XK: variants seen among roughly 807,000 people sequenced by gnomAD.
The protein encoded by XK is X-linked Kx blood group antigen, Kell and VPS13A binding protein.
Under a neutral mutation model 14.0 loss-of-function variants are expected in XK, and 2 were observed. The observed-to-expected ratio is 0.14, with a 90% CI of 0.06 to 0.45. The LOEUF is 0.45. XK is among the 20% of genes least tolerant of loss of function. The pLI is 0.98. For missense variants in XK, 235 were observed against 341.5 expected, an observed-to-expected ratio of 0.69 and a Z score of 2.46; for synonymous variants, 149 against 147.5, an observed-to-expected ratio of 1.01 and a Z score of -0.08.
At chrX:37,707,011 G>GAA (rs782392065) in intron 2 of XK, among the ~76,000 whole-genome samples, 1 of 112,658 alleles carries the variant, frequency 8.9e-6, no homozygotes, top group South Asian at 3.6e-4. Context: ...AGAACAAAAT[G>GAA]AAGTCTCCCA....
At chrX:37,713,207 C>A (rs1556447104) in intron 2 of XK, among the ~76,000 whole-genome samples, 2 of 111,479 alleles carry the variant, frequency 1.8e-5, no homozygotes, top group Non-Finnish European at 3.8e-5. Context: ...TAGGGGCTGG[C>A]AATTTGGTAC....
At chrX:37,702,138 A>G (rs1927429410) in intron 2 of XK, among the ~76,000 whole-genome samples, 1 of 111,776 alleles carries the variant, frequency 8.9e-6, no homozygotes, top group Non-Finnish European at 1.9e-5. Flanking sequence ...GATGAGCTGA[A>G]GGAGACTCCC....
rs139182953 is a variant in XK at position 37,693,306 on chromosome X, A to T, written c.246-980A>T. On this transcript the variant is annotated intron_variant, in intron 1 of 2. Transcript: ENST00000378616. ...AACAAGTTACAAACCTACGGCCATGAATATTTTTCTTACTCCTAGGGAAAA... is the reference window on the plus strand; with the variant it reads ...AACAAGTTACAAACCTACGGCCATGTATATTTTTCTTACTCCTAGGGAAAA... 6.0e-4 allele frequency among the ~76,000 whole-genome samples: 67 copies of T among 111,912 alleles called. 2 individuals are homozygous for T. In the East Asian group the frequency reaches 0.017, roughly 29 times the overall value.
At chrX:37,694,257 A>G in intron 1 of XK, 29 bp from the exon 2 acceptor site, 2 of 1,209,785 alleles carry the variant, frequency 1.7e-6, no homozygotes, top group Non-Finnish European at 2.2e-6. Context: ...TCTGTCTCTA[A>G]TTATTATGAT....
At chrX:37,715,151 TG>T (rs1556447569) in intron 2 of XK, among the ~76,000 whole-genome samples, 1 of 110,318 alleles carries the variant, frequency 9.1e-6, no homozygotes, top group East Asian at 2.8e-4. Flanking sequence ...TGTGTGTGTG[TG>T]TATATATAGT....
intron 2 of XK, among the ~76,000 whole-genome samples, chrX:37,707,009 A>G (rs1927539442): frequency 8.9e-6 from 1 of 112,747 alleles, no homozygotes. Context: ...ACAGAACAAA[A>G]TGAAGTCTCC....
intron 2 of XK, among the ~76,000 whole-genome samples, chrX:37,696,187 A>C (rs2146813473): frequency 8.9e-6 from 1 of 112,423 alleles, no homozygotes; most frequent in East Asian, 2.8e-4. Flanking sequence ...CTGCTCTTTC[A>C]TTTATGTATT....
At chrX:37,712,221 A>G (rs1310876939) in intron 2 of XK, among the ~76,000 whole-genome samples, 5 of 111,829 alleles carry the variant, frequency 4.5e-5, no homozygotes, top group Non-Finnish European at 7.5e-5. Context: ...ATCATCTTCT[A>G]TTTGATCAGG....
intron 2 of XK, among the ~76,000 whole-genome samples, chrX:37,701,875 G>A (rs1208330912): frequency 2.7e-5 from 3 of 111,209 alleles, no homozygotes; most frequent in Admixed American, 1.9e-4. Context: ...AGGAGACAGC[G>A]GAAGAGGGAC....
intron 2 of XK, among the ~76,000 whole-genome samples, chrX:37,702,104 G>C (rs1927428875): frequency 8.9e-6 from 1 of 111,801 alleles, no homozygotes; most frequent in South Asian, 3.7e-4. Flanking sequence ...GCCAGGGGAG[G>C]GGGTGCTGCT....
rs534318896 is a variant in XK at position 37,694,553 on chromosome X, G to A, written c.508+5G>A. The A allele has an allele frequency of 8.4e-7, 1 of 1,187,260 alleles. No homozygotes were observed. Among genetic ancestry groups the A allele is most frequent in the South Asian group, 1.9e-5 (1 of 54,053 alleles). Reference sequence around the variant, plus strand: ...AGGACGTCACTGTTGGAAGAAGTACGTGTATTTTTTATTTCTGCCTGCATT... The same window carrying A: ...AGGACGTCACTGTTGGAAGAAGTACATGTATTTTTTATTTCTGCCTGCATT... On this transcript the variant is annotated splice_donor_5th_base_variant and intron_variant, in intron 2 of 2. Coordinates refer to ENST00000378616, the MANE Select transcript of XK (RefSeq NM_021083.4).
In XK at chrX:37,703,806, T is replaced by G. The variant is rs1373629150; in HGVS notation, c.508+9258T>G. Among the ~76,000 whole-genome samples the G allele has an allele frequency of 2.7e-5, 3 of 112,322 alleles. No homozygotes were observed. In the Admixed American group the frequency reaches 2.8e-4, roughly 11 times the overall value. Reference sequence around the variant, plus strand: ...CTCCTCTGAGAAAAAGAAGCTAAAGTCTTCAATACCAAGGTGTTAGGGTCT... The same window carrying G: ...CTCCTCTGAGAAAAAGAAGCTAAAGGCTTCAATACCAAGGTGTTAGGGTCT... On this transcript the variant is annotated intron_variant, in intron 2 of 2. Transcript: ENST00000378616.
intron 2 of XK, among the ~76,000 whole-genome samples, chrX:37,713,487 C>T (rs560426013): frequency 1.2e-3 from 134 of 111,748 alleles, no homozygotes; most frequent in Middle Eastern, 4.7e-3. Flanking sequence ...CATAGGACTT[C>T]AGGAGCCATG....
chrX:37,693,818 GTGCA>G (rs1414200880), intron 1 of XK, among the ~76,000 whole-genome samples: 1 of 111,695 alleles, frequency 9.0e-6, no homozygotes, highest in Non-Finnish European at 1.9e-5. Flanking sequence ...ACGTGTGTGC[GTGCA>G]TGCATGCATG....
chrX:37,715,317 CTT>C (rs1927746928), intron 2 of XK, among the ~76,000 whole-genome samples: 1 of 111,485 alleles, frequency 9.0e-6, no homozygotes. Context: ...TGATTTATAA[CTT>C]TGCTGCATAG....
intron 2 of XK, among the ~76,000 whole-genome samples, chrX:37,715,149 TG>T (rs1556447562): frequency 9.1e-6 from 1 of 110,314 alleles, no homozygotes; most frequent in East Asian, 2.8e-4. Flanking sequence ...TGTGTGTGTG[TG>T]TGTATATATA....
chrX:37,694,125 A>T (rs1250510943), intron 1 of XK, among the ~76,000 whole-genome samples, 161 bp from the exon 2 acceptor site: 1 of 112,412 alleles, frequency 8.9e-6, no homozygotes, highest in Non-Finnish European at 1.9e-5. Context: ...AGGACTGCAT[A>T]CTGAGAACTG....
intron 2 of XK, among the ~76,000 whole-genome samples, chrX:37,719,598 A>G (rs1460234108): frequency 1.8e-5 from 2 of 110,817 alleles, no homozygotes; most frequent in African/African-American, 6.5e-5. Flanking sequence ...AAACCTGTTT[A>G]TTTCTTAATT....
chrX:37,722,214 A>G (rs368766014), intron 2 of XK, among the ~76,000 whole-genome samples: 14 of 111,943 alleles, frequency 1.3e-4, no homozygotes, highest in African/African-American at 4.5e-4. Flanking sequence ...TTCAACATAC[A>G]AAAAGATTGA....
Sources: gnomAD v4.1 joint callset for allele counts (sites outside exome capture counted in the v4.1 genomes callset) on GRCh38, gnomAD v4.1.1 for gene constraint, MANE v1.5 for transcripts, NCBI Gene and HGNC (gene_info 2026-07-23, HGNC 2026-07-21) for gene names.